Variants in FHIT observed in about 807,000 individuals in gnomAD.
FHIT encodes the protein bis(5'-adenosyl)-triphosphatase.
FHIT carries 19 observed loss-of-function variants against 17.9 expected under a neutral mutation model. That is an observed-to-expected ratio of 1.06 (90% CI 0.74 to 1.56). FHIT has a LOEUF of 1.56. Among genes scored for constraint, FHIT ranks in the 40% most tolerant of loss-of-function variants. FHIT has a pLI of 0.00. For missense variants in FHIT, 248 were observed against 189.2 expected, an observed-to-expected ratio of 1.31 and a Z score of -1.82; for synonymous variants, 81 against 69.7, an observed-to-expected ratio of 1.16 and a Z score of -0.81.
chr3:59,784,950 A>C (rs1702768785), intron 8 of FHIT, among the ~76,000 whole-genome samples: 1 of 152,146 alleles, frequency 6.6e-6, no homozygotes, highest in Admixed American at 6.5e-5. Context: ...GCTGTACAGG[A>C]AGCATGATGC....
chr3:60,323,308 T>C (rs777813595), intron 5 of FHIT, among the ~76,000 whole-genome samples: 3 of 152,128 alleles, frequency 2.0e-5, no homozygotes, highest in African/African-American at 7.2e-5. Flanking sequence ...TTTCCCATTA[T>C]TTTCACTTTG....
chr3:59,803,693 A>G (rs591947), intron 8 of FHIT, among the ~76,000 whole-genome samples: 129,208 of 152,146 alleles, frequency 0.85, 55,275 homozygotes, highest in Middle Eastern at 0.95. Context: ...ACAAAGCAAA[A>G]TGGCTTTGTT....
chr3:60,985,847 C>A (rs2107567037), intron 3 of FHIT, among the ~76,000 whole-genome samples: 1 of 152,326 alleles, frequency 6.6e-6, no homozygotes, highest in South Asian at 2.1e-4. Context: ...CAAAACAGGT[C>A]AAGGTGTTGA....
chr3:60,314,624 T>G (rs1327739095), intron 5 of FHIT, among the ~76,000 whole-genome samples: 1 of 152,180 alleles, frequency 6.6e-6, no homozygotes, highest in African/African-American at 2.4e-5. Flanking sequence ...TTGAGAGTAA[T>G]GAGGTTGATC....
chr3:59,949,668 T>C (rs553298843), intron 7 of FHIT, among the ~76,000 whole-genome samples: 2 of 152,232 alleles, frequency 1.3e-5, no homozygotes, highest in African/African-American at 4.8e-5. Flanking sequence ...CTAACGTTTA[T>C]TGAGGAGTTT....
chr3:60,012,507 G>C (rs895840852), intron 6 of FHIT, among the ~76,000 whole-genome samples: 1 of 152,032 alleles, frequency 6.6e-6, no homozygotes, highest in African/African-American at 2.4e-5. Flanking sequence ...GAGCTCAAGA[G>C]AGCTGCCGGT....
At chr3:60,257,167 G>C (rs929766679) in intron 5 of FHIT, among the ~76,000 whole-genome samples, 6 of 152,094 alleles carry the variant, frequency 3.9e-5, no homozygotes, top group African/African-American at 1.4e-4. Flanking sequence ...AGCTTCCCTT[G>C]TGAATTAAAT....
At chr3:60,061,336 G>T (rs532025959) in intron 5 of FHIT, among the ~76,000 whole-genome samples, 1 of 152,114 alleles carries the variant, frequency 6.6e-6, no homozygotes, top group Non-Finnish European at 1.5e-5. Flanking sequence ...CACAACATAC[G>T]ACCTCTTTAA....
intron 2 of FHIT, among the ~76,000 whole-genome samples, chr3:61,159,345 G>GT (rs942448953): frequency 1.6e-4 from 24 of 152,144 alleles, no homozygotes; most frequent in African/African-American, 5.6e-4. Context: ...AATTATAAAA[G>GT]TTCCCCTCCC....
chr3:60,721,353 T>C (rs1261563510), intron 4 of FHIT, among the ~76,000 whole-genome samples: 1 of 152,186 alleles, frequency 6.6e-6, no homozygotes. Flanking sequence ...TTTGAACTTT[T>C]CAAAATGTGA....
Position 60,464,493 on chromosome 3 carries a change from C to T in FHIT, c.103+72367G>A, listed in dbSNP as rs368703329. 5.6e-4 allele frequency among the ~76,000 whole-genome samples: 85 copies of T among 152,090 alleles called. 1 individual carries two copies. The highest frequency in any genetic ancestry group is 5.2e-3 in the East Asian group (27 of 5,174). On this transcript the variant is annotated intron_variant, in intron 5 of 9. Transcript: ENST00000492590. ...GTAACAACATCTGTGTATGCATTAA[C>T]CATCTCCCCCTCCCCAACTACCCTT...
At chr3:61,165,854 G>A (rs2037821593) in intron 2 of FHIT, 1 of 151,984 alleles carries the variant, frequency 6.6e-6, no homozygotes, top group African/African-American at 2.4e-5. Context: ...AAAGAAAGAA[G>A]AAGAGAGAGA....
At chr3:59,982,140 T>C (rs78080624) in intron 7 of FHIT, among the ~76,000 whole-genome samples, 1,697 of 152,218 alleles carry the variant, frequency 0.011, 32 homozygotes, top group African/African-American at 0.038. Flanking sequence ...TAAATAGTGA[T>C]GTATGGTCTC....
intron 4 of FHIT, among the ~76,000 whole-genome samples, chr3:60,569,345 A>G (rs2037254342): frequency 6.6e-6 from 1 of 152,140 alleles, no homozygotes; most frequent in South Asian, 2.1e-4. Context: ...ACTGTGATAA[A>G]GTGATTGAGA....
At chr3:59,767,574 C>A (rs73094588) in intron 8 of FHIT, among the ~76,000 whole-genome samples, 18,985 of 152,004 alleles carry the variant, frequency 0.12, 1,255 homozygotes, top group South Asian at 0.23. Flanking sequence ...TTTTTGCTCC[C>A]GGAAAGTGGA....
intron 1 of FHIT, among the ~76,000 whole-genome samples, chr3:61,210,282 A>G (rs71296711): frequency 2.6e-5 from 4 of 151,992 alleles, no homozygotes; most frequent in African/African-American, 7.2e-5. Context: ...CAGTCTGCCC[A>G]TTCTCAGATC....
chr3:60,685,636 A>C (rs1256701184), intron 4 of FHIT, among the ~76,000 whole-genome samples: 7 of 152,178 alleles, frequency 4.6e-5, no homozygotes, highest in African/African-American at 1.4e-4. Context: ...ACGAGTATTC[A>C]TTCCATTTAA....
chr3:60,206,393 G>C (rs1444680726), intron 5 of FHIT, among the ~76,000 whole-genome samples: 1 of 152,108 alleles, frequency 6.6e-6, no homozygotes, highest in African/African-American at 2.4e-5. Flanking sequence ...CAGACTTCAG[G>C]GTTATGAGAG....
chr3:59,875,733 C>T (rs185712247), intron 8 of FHIT, among the ~76,000 whole-genome samples: 3 of 151,996 alleles, frequency 2.0e-5, no homozygotes, highest in Non-Finnish European at 2.9e-5. Flanking sequence ...AGGGAGCTAA[C>T]GATGGCTTAA....
Sources: allele counts gnomAD v4.1 joint callset (sites outside exome capture counted in the v4.1 genomes callset), GRCh38; gene constraint gnomAD v4.1.1; transcripts MANE v1.5; gene names NCBI Gene and HGNC (gene_info 2026-07-23, HGNC 2026-07-21).